DOCK5: variants seen among roughly 807,000 people sequenced by gnomAD.
DOCK5 encodes dedicator of cytokinesis protein 5.
A neutral mutation model predicts 251.8 loss-of-function variants in DOCK5; 142 were observed. That is an observed-to-expected ratio of 0.56 (90% CI 0.49 to 0.65). DOCK5 has a LOEUF of 0.65. DOCK5 is among the 30% of genes least tolerant of loss of function. The pLI is 0.00. For synonymous variants in DOCK5, 842 were observed against 835.5 expected (o/e 1.01, Z -0.13); for missense variants, 2,111 against 2,312.3 (o/e 0.91, Z 1.79).
At chr8:25,254,981 A>G (rs193197797) in intron 2 of DOCK5, among the ~76,000 whole-genome samples, 231 of 152,106 alleles carry the variant, frequency 1.5e-3, no homozygotes, top group Middle Eastern at 3.4e-3. Context: ...ATCATTAGAG[A>G]ATTGAAAATT....
intron 3 of DOCK5, chr8:25,271,015 T>A: frequency 2.2e-6 from 1 of 445,028 alleles, no homozygotes; most frequent in Non-Finnish European, 4.0e-6. Context: ...CTTACTTTTT[T>A]TTTCTATATT....
chr8:25,225,601 G>C (rs1802511713), intron 1 of DOCK5, among the ~76,000 whole-genome samples: 1 of 151,952 alleles, frequency 6.6e-6, no homozygotes, highest in African/African-American at 2.4e-5. Context: ...AGCTATTTGG[G>C]AGGCTGAGGC....
At chr8:25,349,609 T>C (rs552705950) in intron 26 of DOCK5, among the ~76,000 whole-genome samples, 1 of 152,348 alleles carries the variant, frequency 6.6e-6, no homozygotes, top group East Asian at 1.9e-4. Context: ...ATAATGTCTT[T>C]TGCAATAACT....
At chr8:25,329,385 A>G (rs80180802) in intron 18 of DOCK5, among the ~76,000 whole-genome samples, 5,142 of 152,144 alleles carry the variant, frequency 0.034, 113 homozygotes, top group South Asian at 0.076. Flanking sequence ...TGGTGAGAAC[A>G]CTCAAAATCT....
chr8:25,222,911 C>T (rs529669869), intron 1 of DOCK5, among the ~76,000 whole-genome samples: 1 of 152,322 alleles, frequency 6.6e-6, no homozygotes, highest in East Asian at 1.9e-4. Context: ...CAGCAGATGA[C>T]ACCCCAAGTA....
intron 1 of DOCK5, among the ~76,000 whole-genome samples, chr8:25,195,965 A>G (rs1476559239): frequency 6.6e-6 from 1 of 152,222 alleles, no homozygotes; most frequent in Non-Finnish European, 1.5e-5. Context: ...CTTGCTTACC[A>G]TCAGCAGGAT....
intron 45 of DOCK5, among the ~76,000 whole-genome samples, chr8:25,398,426 T>C (rs577694570): frequency 2.0e-5 from 3 of 152,360 alleles, no homozygotes; most frequent in Non-Finnish European, 4.4e-5. Context: ...ATTCATATTC[T>C]CTGTTGTATT....
intron 24 of DOCK5, 103 bp from the exon 25 acceptor site, chr8:25,342,298 A>G: frequency 3.6e-6 from 3 of 832,310 alleles, no homozygotes; most frequent in Non-Finnish European, 5.6e-6. Flanking sequence ...TTTCCAGGTA[A>G]ATCTCTCCAT....
chr8:25,248,226 T>A (rs921429418), intron 2 of DOCK5, among the ~76,000 whole-genome samples: 7 of 152,230 alleles, frequency 4.6e-5, no homozygotes, highest in African/African-American at 1.4e-4. Flanking sequence ...GGTCCTTGTA[T>A]CTGCTAAGCA....
At chr8:25,408,472 T>G (rs1365923431) in intron 49 of DOCK5, among the ~76,000 whole-genome samples, 1 of 152,222 alleles carries the variant, frequency 6.6e-6, no homozygotes, top group East Asian at 1.9e-4. Context: ...TTTAATTTTT[T>G]TAAAAGGTAC....
chr8:25,366,848 C>G (rs1313154762), intron 30 of DOCK5, 22 bp from the exon 31 acceptor site: 1 of 1,589,282 alleles, frequency 6.3e-7, no homozygotes, highest in South Asian at 1.1e-5. Context: ...TTCCCTTTAC[C>G]CACACAATTA....
At chr8:25,360,430 G>A (rs112136693) in intron 28 of DOCK5, among the ~76,000 whole-genome samples, 1,898 of 152,216 alleles carry the variant, frequency 0.012, 35 homozygotes, top group African/African-American at 0.043. Context: ...AGTATGGGGG[G>A]TGGGGGGTGG....
chr8:25,339,362 G>A (rs142093153), intron 22 of DOCK5, among the ~76,000 whole-genome samples: 290 of 152,286 alleles, frequency 1.9e-3, no homozygotes, highest in African/African-American at 6.2e-3. Flanking sequence ...AGTCACATAC[G>A]TAGAGTGCCA....
chr8:25,207,975 G>A (rs1204453583), intron 1 of DOCK5, among the ~76,000 whole-genome samples: 1 of 152,196 alleles, frequency 6.6e-6, no homozygotes. Context: ...TTTCATGGGA[G>A]GAGGTCAAAA....
chr8:25,404,694 CAT>C (rs1468741831), intron 48 of DOCK5, among the ~76,000 whole-genome samples: 4 of 151,944 alleles, frequency 2.6e-5, no homozygotes, highest in Non-Finnish European at 5.9e-5. Context: ...ACCTTAAACA[CAT>C]GTTATTTTGT....
Position 25,296,602 on chromosome 8 carries a change from A to G in DOCK5, c.560A>G (p.His187Arg). ...AGCACCATTGCCCTCTTCAAGGCCC[A>G]TGAGGTGGCCTCCAAAAGGATTGAG... ...ETSTIALFKA[H>R]EVASKRIEEK... Residue 187 changes from histidine to arginine, a missense_variant, in exon 7 of 52, where the codon CAT becomes CGT. Physicochemically the swap from His to Arg is conservative, Grantham distance 29. Coordinates refer to ENST00000276440, the MANE Select transcript of DOCK5 (RefSeq NM_024940.8). 3.7e-6 allele frequency: 6 copies of G among 1,612,734 alleles called. No homozygotes were observed. Among genetic ancestry groups the G allele is most frequent in the African/African-American group, 2.7e-5 (2 of 75,022 alleles).
At chr8:25,273,565 T>C (rs1366058462) in intron 3 of DOCK5, among the ~76,000 whole-genome samples, 1 of 152,244 alleles carries the variant, frequency 6.6e-6, no homozygotes, top group Non-Finnish European at 1.5e-5. Flanking sequence ...ATTGTGCGAC[T>C]GTACTCCAGT....
At chr8:25,232,066 A>G (rs1802680717) in intron 1 of DOCK5, among the ~76,000 whole-genome samples, 1 of 152,206 alleles carries the variant, frequency 6.6e-6, no homozygotes, top group Admixed American at 6.5e-5. Flanking sequence ...ATTCTATTGT[A>G]TTCAAAGAAA....
intron 47 of DOCK5, among the ~76,000 whole-genome samples, chr8:25,402,390 A>C: frequency 6.6e-6 from 1 of 152,018 alleles, no homozygotes; most frequent in East Asian, 1.9e-4. Flanking sequence ...TCTGCCTCCC[A>C]GGTTCACACC....
Sources: gnomAD v4.1 joint callset for allele counts (sites outside exome capture counted in the v4.1 genomes callset) on GRCh38, gnomAD v4.1.1 for gene constraint, MANE v1.5 for transcripts, NCBI Gene and HGNC (gene_info 2026-07-23, HGNC 2026-07-21) for gene names.